The following BCL2A1 variants were observed in gnomAD, a reference collection of about 807,000 sequenced individuals.
BCL2A1 encodes BCL2 related protein A1, also known as bcl-2-related protein A1.
Under a neutral mutation model 14.4 loss-of-function variants are expected in BCL2A1, and 10 were observed. The ratio of observed to expected loss-of-function variants is 0.69; its 90% CI spans 0.43 to 1.18. The LOEUF is 1.18. Among genes scored for constraint, BCL2A1 ranks in the 50% most tolerant of loss-of-function variants. BCL2A1 has a pLI of 0.00. For missense variants in BCL2A1, 158 were observed against 205.0 expected (o/e 0.77, Z 1.40); for synonymous variants, 71 against 76.5 (o/e 0.93, Z 0.38).
intron 1 of BCL2A1, among the ~76,000 whole-genome samples, chr15:79,968,388 A>G (rs1223886458): frequency 6.6e-6 from 1 of 152,192 alleles, no homozygotes; most frequent in African/African-American, 2.4e-5. Context: ...GGAAGAAAAC[A>G]TGACAAAACA....
In BCL2A1 at chr15:79,964,900, G is replaced by A. The variant is rs553509270; in HGVS notation, c.421-3726C>T. 9.9e-5 allele frequency among the ~76,000 whole-genome samples: 15 copies of A among 152,276 alleles called. No individual in the cohort carries two copies. In the South Asian group the frequency reaches 3.1e-3, roughly 32 times the overall value. ...GGCGGAAAATTATTCCAGGCAGAGG[G>A]AGCAGCAAGTGCAAAGGCCTTGAGG... On this transcript the variant is annotated intron_variant, in intron 1 of 1. Transcript: ENST00000267953.
At chr15:79,968,346 C>T (rs2035563658) in intron 1 of BCL2A1, among the ~76,000 whole-genome samples, 1 of 152,148 alleles carries the variant, frequency 6.6e-6, no homozygotes, top group African/African-American at 2.4e-5. Flanking sequence ...GAATTTCCAC[C>T]AGTCCTCAAG....
chr15:79,962,556 A>G (rs1369732275), intron 1 of BCL2A1, among the ~76,000 whole-genome samples: 1 of 151,896 alleles, frequency 6.6e-6, no homozygotes. Context: ...AATTATTATT[A>G]TTATTATTTG....
At chr15:79,967,606 A>G (rs750303117) in intron 1 of BCL2A1, 2 of 1,583,526 alleles carry the variant, frequency 1.3e-6, no homozygotes, top group South Asian at 2.2e-5. Context: ...TCACATCTTG[A>G]TAAAGCTGTA....
chr15:79,962,944 G>T (rs1349208274), intron 1 of BCL2A1, among the ~76,000 whole-genome samples: 1 of 151,600 alleles, frequency 6.6e-6, no homozygotes, highest in African/African-American at 2.4e-5. Flanking sequence ...AGTGAACAAA[G>T]AAAAAAATGA....
chr15:79,968,167 C>T (rs772298807), intron 1 of BCL2A1, among the ~76,000 whole-genome samples: 26 of 152,154 alleles, frequency 1.7e-4, no homozygotes, highest in Non-Finnish European at 3.5e-4. Context: ...AAATTTTTAA[C>T]TAACATTTAT....
chr15:79,965,975 G>GA (rs1025960506), intron 1 of BCL2A1, among the ~76,000 whole-genome samples: 1 of 145,296 alleles, frequency 6.9e-6, no homozygotes, highest in Admixed American at 6.8e-5. Context: ...AAAAAAAAAA[G>GA]AAAAAAAACC....
chr15:79,964,767 G>A (rs1456377277), intron 1 of BCL2A1, among the ~76,000 whole-genome samples: 1 of 152,246 alleles, frequency 6.6e-6, no homozygotes, highest in Non-Finnish European at 1.5e-5. Flanking sequence ...GAGACAGAGA[G>A]TGGCAGTAGT....
intron 1 of BCL2A1, among the ~76,000 whole-genome samples, chr15:79,967,440 T>C (rs982668329): frequency 6.6e-6 from 1 of 152,134 alleles, no homozygotes; most frequent in Non-Finnish European, 1.5e-5. Flanking sequence ...GCTCTTGAAC[T>C]CCTGACCTCA....
At position 79,961,022 on chromosome 15, in the gene BCL2A1, T is replaced by C. The variant is rs1335663528; in HGVS notation, c.*45A>G. On this transcript the variant is annotated 3_prime_UTR_variant, in exon 2 of 2. Coordinates refer to ENST00000267953, the MANE Select transcript of BCL2A1 (RefSeq NM_004049.4). ...GTGTTGGCAATCGTTTCCATATCAG[T>C]CAGAAAAATTAGGCCGGTTTCACAA... is the stretch of plus-strand genomic sequence containing the variant. 6 of 1,608,970 alleles carry C rather than the reference T, an allele frequency of 3.7e-6. No individual in the cohort carries two copies. The highest frequency in any genetic ancestry group is 5.1e-6 in the Non-Finnish European group (6 of 1,175,830).
At chr15:79,965,447 G>A (rs1229823583) in intron 1 of BCL2A1, among the ~76,000 whole-genome samples, 2 of 152,096 alleles carry the variant, frequency 1.3e-5, no homozygotes, top group African/African-American at 2.4e-5. Context: ...TAAAAATATC[G>A]CTGTGGGGGC....
chr15:79,964,382 T>C (rs751842339), intron 1 of BCL2A1, among the ~76,000 whole-genome samples: 187 of 152,054 alleles, frequency 1.2e-3, no homozygotes, highest in Non-Finnish European at 1.7e-3. Context: ...GATGGGAGGA[T>C]TGCTTGAGCC....
intron 1 of BCL2A1, among the ~76,000 whole-genome samples, chr15:79,968,047 C>G (rs1298535443): frequency 6.6e-6 from 1 of 152,148 alleles, no homozygotes; most frequent in Non-Finnish European, 1.5e-5. Flanking sequence ...ATGTTTACAT[C>G]TGTACCACCC....
chr15:79,964,470 A>C (rs111989764), intron 1 of BCL2A1, among the ~76,000 whole-genome samples: 18 of 152,292 alleles, frequency 1.2e-4, no homozygotes, highest in East Asian at 3.9e-4. Flanking sequence ...CTGTTTCAAA[A>C]AAACAAACAA....
intron 1 of BCL2A1, among the ~76,000 whole-genome samples, chr15:79,966,247 G>T (rs2035540442): frequency 6.6e-6 from 1 of 152,030 alleles, no homozygotes; most frequent in Non-Finnish European, 1.5e-5. Flanking sequence ...ATTATCATAT[G>T]TCATGTCATA....
At chr15:79,967,497 T>G in intron 1 of BCL2A1, 32 of 908,232 alleles carry the variant, frequency 3.5e-5, no homozygotes, top group South Asian at 5.5e-5. Context: ...ATTACAGGCA[T>G]GAGCCACTGC....
chr15:79,963,457 T>C (rs1447346687), intron 1 of BCL2A1, among the ~76,000 whole-genome samples: 2 of 152,110 alleles, frequency 1.3e-5, no homozygotes, highest in African/African-American at 4.8e-5. Context: ...TTAACAAGTA[T>C]ATGGGAAAAA....
intron 1 of BCL2A1, 43 bp downstream of exon 1, chr15:79,970,657 T>C: frequency 6.6e-7 from 1 of 1,513,262 alleles, no homozygotes; most frequent in South Asian, 1.3e-5. Flanking sequence ...TCAATTTCTA[T>C]TTCACAGGAA....
intron 1 of BCL2A1, among the ~76,000 whole-genome samples, chr15:79,969,460 C>T (rs2035574371): frequency 6.6e-6 from 1 of 152,146 alleles, no homozygotes; most frequent in Non-Finnish European, 1.5e-5. Flanking sequence ...ATAACCTAAA[C>T]AGCTATCAGC....
Sources: gnomAD v4.1 joint callset for allele counts (sites outside exome capture counted in the v4.1 genomes callset) on GRCh38, gnomAD v4.1.1 for gene constraint, MANE v1.5 for transcripts, NCBI Gene and HGNC (gene_info 2026-07-23, HGNC 2026-07-21) for gene names.